KIFC3: variants seen among roughly 807,000 people sequenced by gnomAD.
KIFC3 encodes kinesin-like protein KIFC3.
A neutral mutation model predicts 101.8 loss-of-function variants in KIFC3; 60 were observed. That is an observed-to-expected ratio of 0.59 (90% CI 0.48 to 0.73). The LOEUF is 0.73. Ranked by LOEUF, KIFC3 falls within the 30% of genes least tolerant of loss-of-function variation. KIFC3 has a pLI of 0.00. For missense variants in KIFC3, 966 were observed against 1,137.1 expected, an observed-to-expected ratio of 0.85 and a Z score of 2.16; for synonymous variants, 476 against 482.7, an observed-to-expected ratio of 0.99 and a Z score of 0.18.
At chr16:57,799,890 G>T (rs782401304) in intron 1 of KIFC3, among the ~76,000 whole-genome samples, 7 of 152,150 alleles carry the variant, frequency 4.6e-5, no homozygotes, top group Non-Finnish European at 8.8e-5. Context: ...TGAAAGCCCA[G>T]ACAGGCAGAA....
chr16:57,759,853 G>T lies in KIFC3; in HGVS notation c.2368-17C>A, dbSNP rs781893106. The T allele has an allele frequency of 1.9e-6, 3 of 1,589,300 alleles. No homozygotes were observed. The East Asian group carries it at 6.8e-5, about 36-fold the overall frequency. On this transcript the variant is annotated splice_polypyrimidine_tract_variant and intron_variant, in intron 17 of 19. Coordinates refer to ENST00000445690, the MANE Select transcript of KIFC3 (RefSeq NM_001130100.2). ...CGGCTCCCACTGTGAGCAGGGAAGG[G>T]CGGATGGGCGGGGGCCACGGCTGCC...
Position 57,769,807 on chromosome 16 carries a change from C to T in KIFC3, c.1087+1G>A. The T allele has an allele frequency of 6.2e-7, 1 of 1,613,398 alleles. No individual in the cohort carries two copies. The highest frequency in any genetic ancestry group is 8.5e-7 in the Non-Finnish European group (1 of 1,180,014). On this transcript the variant is annotated splice_donor_variant, in intron 8 of 19. Transcript: ENST00000445690. LOFTEE classifies it high-confidence loss of function. The surrounding 1 kb of genome is among the most constrained non-coding windows in gnomAD (Gnocchi z 4.3). ...AGACAGGGCCCAGCTGGTCAGCTCA[C>T]CTGCTAGATTCTCGTGCACAGCCTT...
intron 1 of KIFC3, among the ~76,000 whole-genome samples, chr16:57,847,265 AGGAAG>A (rs1555482750): frequency 5.1e-5 from 3 of 58,566 alleles, no homozygotes; most frequent in Non-Finnish European, 5.7e-5. Context: ...GAAGGAAGGA[AGGAAG>A]GGAAGGGAGG....
intron 1 of KIFC3, chr16:57,810,593 G>A (rs1254118679): frequency 8.7e-6 from 8 of 919,470 alleles, no homozygotes; most frequent in Non-Finnish European, 1.0e-5. Flanking sequence ...CACCTTCCAA[G>A]GGAGGGGAGG....
intron 3 of KIFC3, among the ~76,000 whole-genome samples, chr16:57,783,401 C>T (rs2052951468): frequency 6.6e-6 from 1 of 151,676 alleles, no homozygotes; most frequent in African/African-American, 2.4e-5. Context: ...CACCGACCAC[C>T]GAATTGTACA....
intron 1 of KIFC3, among the ~76,000 whole-genome samples, chr16:57,851,993 G>A (rs958979551): frequency 6.6e-6 from 1 of 151,740 alleles, no homozygotes; most frequent in African/African-American, 2.4e-5. Context: ...CTCTCTCCTC[G>A]GCCTCCCAAA....
At chr16:57,837,986 G>A (rs970313708) in intron 1 of KIFC3, among the ~76,000 whole-genome samples, 2 of 152,194 alleles carry the variant, frequency 1.3e-5, no homozygotes, top group Admixed American at 1.3e-4. Flanking sequence ...ACACTGGCTT[G>A]AAGCCACACT....
In KIFC3 at chr16:57,858,108, G is replaced by T. The variant is rs139001350; in HGVS notation, c.108+4621C>A. Among the ~76,000 whole-genome samples the T allele has an allele frequency of 1.1e-3, 161 of 152,080 alleles. 1 individual carries two copies. In the East Asian group the frequency reaches 0.03, roughly 29 times the overall value. ...TGGGATTACAGGCGTGAGCCACCGC[G>T]CCTGGCCCCACATTTTCTTTATCCA... On this transcript the variant is annotated intron_variant, in intron 1 of 2. Coordinates refer to the KIFC3 transcript ENST00000563028.
intron 3 of KIFC3, among the ~76,000 whole-genome samples, chr16:57,794,106 T>G (rs1555621539): frequency 6.6e-6 from 1 of 152,246 alleles, no homozygotes; most frequent in African/African-American, 2.4e-5. Flanking sequence ...TGATGAGGAC[T>G]AACATGAGAT....
intron 2 of KIFC3, chr16:57,797,745 C>A (rs1268244219): frequency 1.6e-6 from 2 of 1,245,764 alleles, no homozygotes; most frequent in Non-Finnish European, 2.0e-6. Flanking sequence ...CTAGCCCACA[C>A]GCTCTTGGCC....
chr16:57,805,823 G>A (rs1200653395), upstream of KIFC3, among the ~76,000 whole-genome samples: 1 of 152,074 alleles, frequency 6.6e-6, no homozygotes, highest in East Asian at 1.9e-4. Flanking sequence ...TTACAGGCAT[G>A]CGCCACCACG....
At chr16:57,764,104 G>C in intron 12 of KIFC3, 39 bp downstream of exon 12, 1 of 1,436,616 alleles carries the variant, frequency 7.0e-7, no homozygotes, top group Admixed American at 1.7e-5. Flanking sequence ...TTCCCTTCAT[G>C]CTTCACTGTG....
At chr16:57,831,563 G>A (rs561853054) in intron 1 of KIFC3, among the ~76,000 whole-genome samples, 1 of 152,260 alleles carries the variant, frequency 6.6e-6, no homozygotes, top group South Asian at 2.1e-4. Context: ...GGTGGTGTGT[G>A]CCTGTAGTCC....
intron 19 of KIFC3, 36 bp from the exon 20 acceptor site, chr16:57,758,945 T>TTGCCCACC (rs781796416): frequency 6.8e-7 from 1 of 1,464,496 alleles, no homozygotes; most frequent in South Asian, 1.4e-5. Context: ...TCTTGTCCAC[T>TTGCCCACC]TGCCCACCGG....
intron 1 of KIFC3, among the ~76,000 whole-genome samples, chr16:57,842,523 C>A (rs2055835702): frequency 6.6e-6 from 1 of 152,210 alleles, no homozygotes; most frequent in Admixed American, 6.5e-5. Context: ...ACAATGAGAA[C>A]AACAACAGCA....
At chr16:57,765,886 G>C in intron 10 of KIFC3, 1 of 451,178 alleles carries the variant, frequency 2.2e-6, no homozygotes, top group Non-Finnish European at 3.9e-6. Context: ...GGGATGGGGA[G>C]GAAAGGTCAG....
chr16:57,767,604 G>A (rs2050633240), intron 9 of KIFC3, among the ~76,000 whole-genome samples: 1 of 152,128 alleles, frequency 6.6e-6, no homozygotes, highest in Admixed American at 6.5e-5. Context: ...AAATGATATA[G>A]TGTTTGCCTA....
intron 1 of KIFC3, among the ~76,000 whole-genome samples, chr16:57,801,088 A>T (rs2054695468): frequency 6.6e-6 from 1 of 152,252 alleles, no homozygotes; most frequent in African/African-American, 2.4e-5. Context: ...AAAGAGCTCC[A>T]AAATTTTATT....
upstream of KIFC3, among the ~76,000 whole-genome samples, chr16:57,806,801 G>A (rs552514947): frequency 1.4e-4 from 21 of 152,328 alleles, no homozygotes; most frequent in African/African-American, 4.8e-4. Context: ...ATTGAAGTTG[G>A]AGAAACTCAT....
Sources: gnomAD v4.1 joint callset for allele counts (sites outside exome capture counted in the v4.1 genomes callset) on GRCh38, gnomAD v4.1.1 for gene constraint, Gnocchi (gnomAD v3.1) non-coding constraint, MANE v1.5 for transcripts, NCBI Gene and HGNC (gene_info 2026-07-23, HGNC 2026-07-21) for gene names.